MAP2K2: variants seen among roughly 807,000 people sequenced by gnomAD.
MAP2K2 encodes mitogen-activated protein kinase kinase 2, also known as dual specificity mitogen-activated protein kinase kinase 2.
Under a neutral mutation model 43.7 loss-of-function variants are expected in MAP2K2, and 24 were observed. The ratio of observed to expected loss-of-function variants is 0.55; its 90% CI spans 0.40 to 0.77. The LOEUF (loss-of-function observed/expected upper bound fraction) is 0.77. MAP2K2 is among the 30% of genes least tolerant of loss of function. MAP2K2 has a pLI of 0.00. For missense variants in MAP2K2, 470 were observed against 566.8 expected, an observed-to-expected ratio of 0.83 and a Z score of 1.73; for synonymous variants, 244 against 239.7, an observed-to-expected ratio of 1.02 and a Z score of -0.17.
chr19:4,098,467 C>T (rs1050839178), intron 7 of MAP2K2, among the ~76,000 whole-genome samples: 2 of 152,126 alleles, frequency 1.3e-5, no homozygotes, highest in African/African-American at 4.8e-5. Flanking sequence ...CTACAGGGTC[C>T]TTTGGGGTCT....
intron 9 of MAP2K2, chr19:4,094,800 A>C: frequency 2.1e-6 from 1 of 481,080 alleles, no homozygotes; most frequent in East Asian, 3.5e-5. Flanking sequence ...ACTGTCTAAT[A>C]AAACCCCAGG....
In MAP2K2 at chr19:4,099,273, C is replaced by T. The variant is rs185999703; in HGVS notation, c.847G>A (p.Val283Met). ...GGCTCTCCTTCTTCCCCGTCGACCA[C>T]GGGCCGGCCAAAGATGGCCTCCAGC... is the stretch of plus-strand genomic sequence containing the variant. ...KELEAIFGRP[V>M]VDGEEGEPHS... is the part of the protein sequence containing the mutation. The change falls in exon 7 of 11, where the codon GTG (valine) becomes ATG (methionine). Residue 283 changes from valine (V) to methionine (M), a missense_variant. Around this residue, in one of 3 missense-constraint regions of MAP2K2, gnomAD observed 212 missense variants for 220.8 expected, o/e 0.96. Transcript: ENST00000262948. 2.9e-5 allele frequency: 46 copies of T among 1,605,814 alleles called. 1 individual carries two copies. The highest frequency in any genetic ancestry group is 2.0e-4 in the Admixed American group (12 of 58,946).
In MAP2K2 at chr19:4,099,309, C is replaced by T. The variant is rs758031424; in HGVS notation, c.811G>A (p.Asp271Asn). 20 of 1,607,054 alleles carry T rather than the reference C, an allele frequency of 1.2e-5. No homozygotes were observed. The highest frequency in any genetic ancestry group is 2.2e-5 in the East Asian group (1 of 44,602). The change falls in exon 7 of 11, where the codon GAC becomes AAC. Residue 271 changes from aspartate (D) to asparagine (N), a missense_variant. Coordinates refer to ENST00000262948, the MANE Select transcript of MAP2K2 (RefSeq NM_030662.4). ...AAGATGGCCTCCAGCTCTTTGGCGT[C>T]GGGCGGGGGGATGGGGTACCTTCCG... ...AVGRYPIPPPDAKELEAIFGR... is the reference protein window; with the variant it reads ...AVGRYPIPPPNAKELEAIFGR...
At position 4,090,512 on chromosome 19, in the gene MAP2K2, C is replaced by CAGGA; in HGVS notation, c.*85_*86insTCCT. 1 of 1,185,696 alleles carries CAGGA rather than the reference C, an allele frequency of 8.4e-7. No homozygotes were observed. Among genetic ancestry groups the CAGGA allele is most frequent in the Non-Finnish European group, 1.2e-6 (1 of 817,726 alleles). The allele number at this position is 1,185,696 out of a possible 1,614,324, so 73.4% of individuals were successfully genotyped here. A position where few individuals can be genotyped will look rare whatever the true frequency, so the allele number is the denominator to read the frequency against. On this transcript the variant is annotated 3_prime_UTR_variant, in exon 11 of 11. Transcript: ENST00000262948. ...GGTGAGGCAGGAGGGTGGGTGGAGG[C>CAGGA]GCCAGCCTGTCCTCAGCTGGAAGGG...
At position 4,095,445 on chromosome 19, in the gene MAP2K2, G is replaced by A. The variant is rs2040904659; in HGVS notation, c.989C>T (p.Pro330Leu). The change falls in exon 9 of 11, where the codon CCT becomes CTT. Residue 330 changes from proline (P) to leucine (L), a missense_variant. By Grantham distance (98) the Pro-to-Leu change is moderately conservative. Coordinates refer to ENST00000262948, the MANE Select transcript of MAP2K2 (RefSeq NM_030662.4). Reference sequence around the variant, plus strand: ...GAACACACCGTTGGGCAGCTTAGGAGGTGGCTGTGGAGGAGAACAGAGGGT... The same window carrying A: ...GAACACACCGTTGGGCAGCTTAGGAAGTGGCTGTGGAGGAGAACAGAGGGT... ...ELLDYIVNEP[P>L]PKLPNGVFTP... is the part of the protein sequence containing the mutation. 1.9e-6 allele frequency: 3 copies of A among 1,551,274 alleles called. No individual in the cohort carries two copies. In the African/African-American group the frequency reaches 4.1e-5, roughly 21 times the overall value.
At position 4,097,127 on chromosome 19, in the gene MAP2K2, G is replaced by A. The variant is rs2040929353; in HGVS notation, c.984+152C>T. 10 of 632,930 alleles carry A rather than the reference G, an allele frequency of 1.6e-5. No homozygotes were observed. The South Asian group carries it at 1.9e-4, about 12-fold the overall frequency. The allele number at this position is 632,930 out of a possible 1,614,324, so 39.2% of individuals were successfully genotyped here. A position where few individuals can be genotyped will look rare whatever the true frequency, so the allele number is the denominator to read the frequency against. On this transcript the variant is annotated intron_variant, in intron 8 of 10. Coordinates refer to ENST00000262948, the MANE Select transcript of MAP2K2 (RefSeq NM_030662.4). ...GAGAATCACATGAGCTTGGAAAGTG[G>A]AGGTTTCAGTGAGCCGAGAAGGCAC... is the stretch of plus-strand genomic sequence containing the variant.
chr19:4,101,185 C>T lies in MAP2K2; in HGVS notation c.581-42G>A, dbSNP rs553215991. On this transcript the variant is annotated intron_variant, in intron 5 of 10. Transcript: ENST00000262948. This position sits in a 1 kb window ranked among gnomAD's most constrained non-coding sequence, Gnocchi z 6.3. ...GCGGGTGAGGGGCGCCCAACAGTTG[C>T]CTGCCGGCCCCCGGGGCTCTGGGGA... The T allele has an allele frequency of 6.3e-7, 1 of 1,597,678 alleles. No individual in the cohort carries two copies.
chr19:4,101,265 C>A lies in MAP2K2; in HGVS notation c.544G>T (p.Ala182Ser). The change falls in exon 5 of 11, where the codon GCG (alanine) becomes TCG (serine). Residue 182 changes from alanine (A) to serine (S), a missense_variant. Ala to Ser is a moderately conservative substitution (Grantham distance 99, BLOSUM62 1). Around this residue, in one of 3 missense-constraint regions of MAP2K2, gnomAD observed 200 missense variants for 297.9 expected, o/e 0.67. Coordinates refer to ENST00000262948, the MANE Select transcript of MAP2K2 (RefSeq NM_030662.4). This position sits in a 1 kb window ranked among gnomAD's most constrained non-coding sequence, Gnocchi z 6.3. ...KVSIAVLRGL[A>S]YLREKHQIMH... ...ATCTGGTGCTTCTCTCGGAGGTACG[C>A]CAAGCCCCGGAGAACCTGCAGGGGA... 1 of 1,583,276 alleles carries A rather than the reference C, an allele frequency of 6.3e-7. No individual in the cohort carries two copies. Among genetic ancestry groups the A allele is most frequent in the Non-Finnish European group, 8.6e-7 (1 of 1,165,484 alleles).
At chr19:4,105,193 TGTGTGTGTGTG>T (rs1193463346) in intron 3 of MAP2K2, among the ~76,000 whole-genome samples, 1 of 135,832 alleles carries the variant, frequency 7.4e-6, no homozygotes. Flanking sequence ...TGTGTGTGTG[TGTGTGTGTGTG>T]ATGTTTAAAA....
chr19:4,102,753 G>A (rs561532643), intron 3 of MAP2K2: 372 of 1,296,234 alleles, frequency 2.9e-4, no homozygotes, highest in Admixed American at 1.0e-3. Context: ...GCTCTGCTCC[G>A]GGCCAGCCCA....
At chr19:4,093,527 C>G (rs2040875137) in intron 10 of MAP2K2, among the ~76,000 whole-genome samples, 1 of 152,022 alleles carries the variant, frequency 6.6e-6, no homozygotes, top group Non-Finnish European at 1.5e-5. Flanking sequence ...CCTGTTTCTA[C>G]TAAAAATACA....
At chr19:4,110,939 T>C (rs2041146710) in intron 2 of MAP2K2, among the ~76,000 whole-genome samples, 1 of 151,974 alleles carries the variant, frequency 6.6e-6, no homozygotes, top group Admixed American at 6.5e-5. Context: ...CACCCCTCAC[T>C]GAAACAGGAC....
Position 4,101,322 on chromosome 19 carries a change from G to T in MAP2K2, c.529-42C>A. Reference sequence around the variant, plus strand: ...AGGGAGTCACGGGACAAGGCCACCAGGGCTTAGCTCCTGACCGAGCCCGGG... The same window carrying T: ...AGGGAGTCACGGGACAAGGCCACCATGGCTTAGCTCCTGACCGAGCCCGGG... On this transcript the variant is annotated intron_variant, in intron 4 of 10. Coordinates refer to ENST00000262948, the MANE Select transcript of MAP2K2 (RefSeq NM_030662.4). This position sits in a 1 kb window ranked among gnomAD's most constrained non-coding sequence, Gnocchi z 6.3. 6.4e-7 allele frequency: 1 copy of T among 1,558,140 alleles called. No individual in the cohort carries two copies.
Position 4,099,280 on chromosome 19 carries a change from G to T in MAP2K2, c.840C>A (p.Gly280=). The T allele has an allele frequency of 6.2e-7, 1 of 1,605,126 alleles. No individual in the cohort carries two copies. The highest frequency in any genetic ancestry group is 1.1e-5 in the South Asian group (1 of 89,878). The change falls in exon 7 of 11, where the codon GGC becomes GGA. Residue 280 remains glycine, a synonymous_variant. Transcript: ENST00000262948. ...PDAKELEAIF[G]RPVVDGEEGE... Reference sequence around the variant, plus strand: ...CTTCTTCCCCGTCGACCACGGGCCGGCCAAAGATGGCCTCCAGCTCTTTGG... The same window carrying T: ...CTTCTTCCCCGTCGACCACGGGCCGTCCAAAGATGGCCTCCAGCTCTTTGG...
At chr19:4,097,225 A>G (rs936074636) in intron 8 of MAP2K2, 54 bp downstream of exon 8, 109 of 1,251,240 alleles carry the variant, frequency 8.7e-5, no homozygotes, top group African/African-American at 8.6e-4. Context: ...AAAAAAAAAA[A>G]AAAGAAAGAA....
At chr19:4,121,468 C>A (rs1214208137) in intron 1 of MAP2K2, among the ~76,000 whole-genome samples, 1 of 151,396 alleles carries the variant, frequency 6.6e-6, no homozygotes, top group Non-Finnish European at 1.5e-5. Flanking sequence ...CTCAGAGATG[C>A]CCATCTTGAC....
Position 4,094,499 on chromosome 19 carries a change from C to A in MAP2K2, c.1047-1G>T. 1 of 1,569,764 alleles carries A rather than the reference C, an allele frequency of 6.4e-7. No homozygotes were observed. Among genetic ancestry groups the A allele is most frequent in the Admixed American group, 1.9e-5 (1 of 52,800 alleles). On this transcript the variant is annotated splice_acceptor_variant, in intron 9 of 10. Transcript: ENST00000262948. LOFTEE classifies it high-confidence loss of function. ...CCGCTCCGCTGGGTTCTTGATGAGG[C>A]TGGGGGTTCCAAGAGGCAGGACCGG... is the stretch of plus-strand genomic sequence containing the variant.
chr19:4,113,080 A>G (rs1257566737), intron 2 of MAP2K2, among the ~76,000 whole-genome samples: 1 of 152,128 alleles, frequency 6.6e-6, no homozygotes, highest in Non-Finnish European at 1.5e-5. Context: ...ACTTCAAAGG[A>G]GCCACAGATG....
At chr19:4,113,930 G>C (rs1687306624) in intron 2 of MAP2K2, among the ~76,000 whole-genome samples, 1 of 152,204 alleles carries the variant, frequency 6.6e-6, no homozygotes, top group South Asian at 2.1e-4. Context: ...CAGCTCCCAA[G>C]CTGGATGTAG....
Sources: allele counts gnomAD v4.1 joint callset (sites outside exome capture counted in the v4.1 genomes callset), GRCh38; gene constraint gnomAD v4.1.1; regional missense constraint gnomAD v4.1.1; non-coding constraint Gnocchi (gnomAD v3.1); transcripts MANE v1.5; gene names NCBI Gene and HGNC (gene_info 2026-07-23, HGNC 2026-07-21).